The following NCAM2 variants were observed in gnomAD, a reference collection of about 807,000 sequenced individuals.
The protein encoded by NCAM2 is N-CAM-2.
Under a neutral mutation model 98.1 loss-of-function variants are expected in NCAM2, and 30 were observed. The observed-to-expected ratio is 0.31, with a 90% CI of 0.23 to 0.41. The LOEUF (loss-of-function observed/expected upper bound fraction) is 0.41. NCAM2 is among the 10% of genes least tolerant of loss of function. The pLI, the probability that NCAM2 is intolerant of heterozygous loss-of-function variation, is 1.00. For missense variants in NCAM2, 867 were observed against 1,005.8 expected, an observed-to-expected ratio of 0.86 and a Z score of 1.87; for synonymous variants, 368 against 342.4, an observed-to-expected ratio of 1.07 and a Z score of -0.83.
chr21:21,533,363 G>T (rs1989815156), intron 16 of NCAM2, among the ~76,000 whole-genome samples: 1 of 151,740 alleles, frequency 6.6e-6, no homozygotes, highest in African/African-American at 2.4e-5. Context: ...ATGTCATATA[G>T]TTGGAATTAG....
chr21:21,522,082 G>A (rs989067830), intron 16 of NCAM2, among the ~76,000 whole-genome samples: 2 of 146,978 alleles, frequency 1.4e-5, no homozygotes, highest in African/African-American at 5.0e-5. Context: ...TTTTATATAT[G>A]AATCCATATA....
intron 8 of NCAM2, among the ~76,000 whole-genome samples, chr21:21,371,857 A>G (rs1234175449): frequency 7.0e-6 from 1 of 142,228 alleles, no homozygotes; most frequent in African/African-American, 2.8e-5. Flanking sequence ...TGTAAAATAA[A>G]TGCGCGTGCA....
intron 1 of NCAM2, among the ~76,000 whole-genome samples, chr21:21,148,919 A>G (rs1211260136): frequency 2.6e-5 from 4 of 152,178 alleles, no homozygotes; most frequent in Non-Finnish European, 5.9e-5. Flanking sequence ...TAAGGCATGC[A>G]TAAGCCACAG....
chr21:21,256,833 G>A (rs944866210), intron 1 of NCAM2, among the ~76,000 whole-genome samples: 4 of 152,142 alleles, frequency 2.6e-5, no homozygotes, highest in East Asian at 3.9e-4. Context: ...TTTCATATAC[G>A]CTGGAAATCC....
intron 8 of NCAM2, among the ~76,000 whole-genome samples, chr21:21,342,700 A>G (rs993698357): frequency 6.6e-6 from 1 of 152,244 alleles, no homozygotes; most frequent in Non-Finnish European, 1.5e-5. Flanking sequence ...CCCAAATCCA[A>G]CATGAGAGGA....
intron 16 of NCAM2, among the ~76,000 whole-genome samples, chr21:21,526,094 A>G (rs917068937): frequency 1.3e-5 from 2 of 152,030 alleles, no homozygotes; most frequent in African/African-American, 2.4e-5. Flanking sequence ...CTCTCTCACT[A>G]ATTCTTTTCA....
At chr21:21,384,083 T>C (rs1417767528) in intron 9 of NCAM2, among the ~76,000 whole-genome samples, 1 of 151,990 alleles carries the variant, frequency 6.6e-6, no homozygotes, top group African/African-American at 2.4e-5. Context: ...ATATAAGTAT[T>C]TTAAATTTTA....
intron 5 of NCAM2, among the ~76,000 whole-genome samples, chr21:21,319,497 T>C (rs2074315551): frequency 6.6e-6 from 1 of 152,020 alleles, no homozygotes; most frequent in Non-Finnish European, 1.5e-5. Flanking sequence ...AAAAATTAGC[T>C]GGGCATGATG....
chr21:21,253,873 A>G (rs1051370685), intron 1 of NCAM2, among the ~76,000 whole-genome samples: 2 of 152,198 alleles, frequency 1.3e-5, no homozygotes, highest in African/African-American at 4.8e-5. Flanking sequence ...ACACAGAATT[A>G]CTAGTGATTT....
chr21:21,210,822 G>C (rs991972142), intron 1 of NCAM2: 1 of 307,770 alleles, frequency 3.2e-6, no homozygotes, highest in African/African-American at 2.3e-5. Flanking sequence ...AGTTCAAAGG[G>C]ATACTTTGAT....
chr21:21,214,608 C>A lies in NCAM2; in HGVS notation c.56-65970C>A, dbSNP rs575644632. ...GAACTACTTACAATTAAGTTTTAGA[C>A]CCTCAAATATATTTGACATGTAATT... On this transcript the variant is annotated intron_variant, in intron 1 of 17. Transcript: ENST00000400546. 7.3e-5 allele frequency among the ~76,000 whole-genome samples: 11 copies of A among 151,410 alleles called. No homozygotes were observed. In the East Asian group the frequency reaches 1.7e-3, roughly 24 times the overall value.
chr21:21,019,152 TA>T (rs1409015158), intron 1 of NCAM2, among the ~76,000 whole-genome samples: 12 of 152,366 alleles, frequency 7.9e-5, no homozygotes, highest in Non-Finnish European at 1.5e-4. Context: ...GTGGCCTAAA[TA>T]ATTTCTTCAG....
chr21:21,255,789 A>G (rs1033049486), intron 1 of NCAM2, among the ~76,000 whole-genome samples: 8 of 151,922 alleles, frequency 5.3e-5, no homozygotes, highest in Non-Finnish European at 1.2e-4. Context: ...TGCCTTATCT[A>G]CTCCAGGCTG....
At chr21:21,302,656 T>C (rs1478593779) in intron 5 of NCAM2, among the ~76,000 whole-genome samples, 3 of 152,202 alleles carry the variant, frequency 2.0e-5, no homozygotes, top group African/African-American at 7.2e-5. Context: ...TTGTTGGAAA[T>C]GTAAGTCAGT....
intron 1 of NCAM2, among the ~76,000 whole-genome samples, chr21:21,030,475 A>C (rs1174791242): frequency 6.6e-6 from 1 of 152,108 alleles, no homozygotes; most frequent in African/African-American, 2.4e-5. Context: ...CTGCCTTTTT[A>C]AGGGCTCTTG....
intron 15 of NCAM2, among the ~76,000 whole-genome samples, chr21:21,480,196 C>A (rs1474743471): frequency 6.6e-6 from 1 of 151,776 alleles, no homozygotes; most frequent in Admixed American, 6.6e-5. Flanking sequence ...GAAACCCCAT[C>A]TCTACTAAAA....
At chr21:21,483,832 G>A (rs1384965914) in intron 15 of NCAM2, among the ~76,000 whole-genome samples, 1 of 152,080 alleles carries the variant, frequency 6.6e-6, no homozygotes, top group East Asian at 1.9e-4. Context: ...AGTGACATAT[G>A]TCTGGAGTTT....
chr21:21,188,349 A>G (rs1328276655), intron 1 of NCAM2, among the ~76,000 whole-genome samples: 1 of 152,164 alleles, frequency 6.6e-6, no homozygotes, highest in East Asian at 1.9e-4. Context: ...ACAAATTTGG[A>G]GGTATTGTTT....
intron 1 of NCAM2, among the ~76,000 whole-genome samples, chr21:21,244,271 A>G (rs1241798610): frequency 6.6e-6 from 1 of 152,156 alleles, no homozygotes; most frequent in Non-Finnish European, 1.5e-5. Context: ...GAAGAAAAGA[A>G]AAAAATAGAA....
Sources: gnomAD v4.1 joint callset for allele counts (sites outside exome capture counted in the v4.1 genomes callset) on GRCh38, gnomAD v4.1.1 for gene constraint, MANE v1.5 for transcripts, NCBI Gene and HGNC (gene_info 2026-07-23, HGNC 2026-07-21) for gene names.